The following PCDHAC1 variants were observed in gnomAD, a reference collection of about 807,000 sequenced individuals.
PCDHAC1 encodes protocadherin alpha subfamily C, 1, also known as protocadherin alpha-C1.
PCDHAC1 carries 42 observed loss-of-function variants against 60.0 expected under a neutral mutation model. The observed-to-expected ratio is 0.70, with a 90% CI of 0.55 to 0.90. The LOEUF (loss-of-function observed/expected upper bound fraction) is 0.90, where lower values mean the gene tolerates loss of function less well. Among genes scored for constraint, PCDHAC1 ranks in the 40% least tolerant of loss-of-function variants. The pLI, the probability that PCDHAC1 is intolerant of heterozygous loss-of-function variation, is 0.00. For missense variants in PCDHAC1, 1,160 were observed against 1,222.3 expected (o/e 0.95, Z 0.76); for synonymous variants, 468 against 499.3 (o/e 0.94, Z 0.84).
At chr5:140,932,039 CAT>C (rs2087970987) in intron 1 of PCDHAC1, among the ~76,000 whole-genome samples, 1 of 151,816 alleles carries the variant, frequency 6.6e-6, no homozygotes, top group South Asian at 2.1e-4. Context: ...TATATATTAA[CAT>C]AGCCTGTAAT....
chr5:140,999,528 T>A (rs1414595805), intron 3 of PCDHAC1, among the ~76,000 whole-genome samples: 1 of 152,080 alleles, frequency 6.6e-6, no homozygotes, highest in Non-Finnish European at 1.5e-5. Context: ...TGTTACCCCC[T>A]GGATATGACA....
At chr5:140,941,191 T>TTTCTTTCTTTC (rs1487503403) in intron 1 of PCDHAC1, among the ~76,000 whole-genome samples, 64 of 93,246 alleles carry the variant, frequency 6.9e-4, no homozygotes, top group South Asian at 4.2e-3. Context: ...GCTTCTTTTT[T>TTTCTTTCTTTC]TTTCTTTCTT....
intron 1 of PCDHAC1, among the ~76,000 whole-genome samples, chr5:140,949,636 T>C (rs1047386786): frequency 1.3e-5 from 2 of 151,898 alleles, no homozygotes; most frequent in Non-Finnish European, 3.0e-5. Context: ...GGCATATTGC[T>C]TTTTGTTCAT....
chr5:140,928,949 T>C lies in PCDHAC1; in HGVS notation c.2057T>C (p.Ile686Thr). The C allele has an allele frequency of 6.2e-7, 1 of 1,614,066 alleles. No individual in the cohort carries two copies. The highest frequency in any genetic ancestry group is 8.5e-7 in the Non-Finnish European group (1 of 1,179,980). ...TCTGCCCAGAACTTGTATTTAGTAA[T>C]TGCCTTGGCTTGTATTTCCTTTTTA... Reference protein sequence around the residue: ...QLSAQNLYLVIALACISFLFL... With the variant: ...QLSAQNLYLVTALACISFLFL... The change falls in exon 1 of 4, where the codon ATT becomes ACT. Residue 686 changes from isoleucine (I) to threonine (T), a missense_variant. This residue lies in a region of PCDHAC1 where 1,113 missense variants were observed against 1,163.7 expected (regional missense o/e 0.96). Coordinates refer to ENST00000253807, the MANE Select transcript of PCDHAC1 (RefSeq NM_018898.5).
chr5:140,980,021 A>C (rs1472439975), intron 2 of PCDHAC1, among the ~76,000 whole-genome samples: 2 of 152,248 alleles, frequency 1.3e-5, no homozygotes. Context: ...AAATGAGCAG[A>C]AATCATTACA....
At chr5:141,007,527 C>T (rs1184006315) in intron 3 of PCDHAC1, among the ~76,000 whole-genome samples, 1 of 152,070 alleles carries the variant, frequency 6.6e-6, no homozygotes, top group Non-Finnish European at 1.5e-5. Flanking sequence ...GATATCTCGC[C>T]ACTGCACTCC....
intron 3 of PCDHAC1, among the ~76,000 whole-genome samples, chr5:140,990,850 T>C (rs528860965): frequency 3.3e-5 from 5 of 152,312 alleles, no homozygotes; most frequent in African/African-American, 1.2e-4. Context: ...AATAGAGCCC[T>C]GAGGACATTG....
At chr5:140,987,318 A>C (rs148008812) in intron 3 of PCDHAC1, among the ~76,000 whole-genome samples, 3,398 of 152,304 alleles carry the variant, frequency 0.022, 70 homozygotes, top group Admixed American at 0.058. Flanking sequence ...TGTACTGTGA[A>C]GTTTTAAGAA....
At chr5:140,965,239 G>C (rs7722865) in intron 1 of PCDHAC1, among the ~76,000 whole-genome samples, 9,112 of 152,230 alleles carry the variant, frequency 0.06, 825 homozygotes, top group African/African-American at 0.2. Context: ...CCTGGGAAGA[G>C]TGAATATTCA....
rs781895762 is a variant in PCDHAC1, at chr5:140,928,747, C to G, written c.1855C>G (p.Arg619Gly). 6.2e-7 allele frequency: 1 copy of G among 1,614,132 alleles called. No homozygotes were observed. The highest frequency in any genetic ancestry group is 8.5e-7 in the Non-Finnish European group (1 of 1,180,034). Residue 619 changes from arginine (R) to glycine (G), a missense_variant, in exon 1 of 4, where the codon CGT becomes GGT. By Grantham distance (125) the Arg-to-Gly change is moderately radical (BLOSUM62 -2). Transcript: ENST00000253807. ...FRISANIGEL[R>G]TARLVLPTDA... ...AATTTCAGCCAATATAGGTGAGCTC[C>G]GTACTGCTCGCTTAGTTCTTCCCAC...
At position 140,928,790 on chromosome 5, in the gene PCDHAC1, GGGT is replaced by G; in HGVS notation, c.1905_1907del (p.Val638del). 1 of 1,614,176 alleles carries G rather than the reference GGGT, an allele frequency of 6.2e-7. No homozygotes were observed. On this transcript the variant is annotated inframe_deletion, in exon 1 of 4. Transcript: ENST00000253807. The stretch of plus-strand genomic sequence containing the variant: ...CTTCCCACTGATGCAGTTAAGCAGA[GGGT>G]GGTGGTAGTGGTTCGGGACCATGGA...
Position 141,000,361 on chromosome 5 carries a change from G to GTCTCTCTC in PCDHAC1, c.2582-9238_2582-9231dup, listed in dbSNP as rs148596731. 4.9e-4 allele frequency among the ~76,000 whole-genome samples: 13 copies of GTCTCTCTC among 26,444 alleles called. No individual in the cohort carries two copies. In the East Asian group the frequency reaches 6.3e-3, roughly 13 times the overall value. The allele number at this position is 26,444 out of a possible 152,430, so 17.3% of individuals were successfully genotyped here. A position where few individuals can be genotyped will look rare whatever the true frequency, so the allele number is the denominator to read the frequency against. ...CCTATCTCTCTCTCTGTCTCTCTCT[G>GTCTCTCTC]TCTCTCTCTCTCTCTCTCTCTCTCT... is the stretch of plus-strand genomic sequence containing the variant. On this transcript the variant is annotated intron_variant, in intron 3 of 3. Coordinates refer to ENST00000253807, the MANE Select transcript of PCDHAC1 (RefSeq NM_018898.5).
Position 140,927,999 on chromosome 5 carries a change from C to T in PCDHAC1, c.1107C>T (p.Leu369=). The T allele has an allele frequency of 6.2e-7, 1 of 1,614,174 alleles. No homozygotes were observed. The highest frequency in any genetic ancestry group is 8.5e-7 in the Non-Finnish European group (1 of 1,180,030). ...TCTTTAGTGTAAAGGATGAAGACCT[C>T]GATTCTAATGGTAGGGTCATTTGTG... is the stretch of plus-strand genomic sequence containing the variant. ...IALFSVKDED[L]DSNGRVICGM... The change falls in exon 1 of 4, where the codon CTC becomes CTT. Residue 369 remains leucine (L), a synonymous_variant. Transcript: ENST00000253807.
intron 1 of PCDHAC1, among the ~76,000 whole-genome samples, chr5:140,972,775 T>C (rs1277210789): frequency 6.6e-6 from 1 of 151,656 alleles, no homozygotes; most frequent in Non-Finnish European, 1.5e-5. Context: ...GTGATTCTTC[T>C]GCCTCAGCCT....
At chr5:141,009,529 T>G in intron 3 of PCDHAC1, 98 bp from the exon 4 acceptor site, 1 of 1,505,630 alleles carries the variant, frequency 6.6e-7, no homozygotes, top group Non-Finnish European at 8.9e-7. Context: ...TCTGGGGAGG[T>G]TCAGCCTGCC....
At chr5:141,004,705 C>T (rs535016776) in intron 3 of PCDHAC1, among the ~76,000 whole-genome samples, 5 of 152,154 alleles carry the variant, frequency 3.3e-5, no homozygotes, top group Admixed American at 6.5e-5. Context: ...TTTTAGGTGC[C>T]GAATCAGAGG....
chr5:140,952,221 C>T (rs991982346), intron 1 of PCDHAC1, among the ~76,000 whole-genome samples: 1 of 151,940 alleles, frequency 6.6e-6, no homozygotes, highest in Non-Finnish European at 1.5e-5. Flanking sequence ...TTTCCAGGCA[C>T]AGTGTGCAAG....
rs200797202 is a variant in PCDHAC1 at position 140,937,911 on chromosome 5, C to CA, written c.2433+8602dup. On this transcript the variant is annotated intron_variant, in intron 1 of 3. Coordinates refer to ENST00000253807, the MANE Select transcript of PCDHAC1 (RefSeq NM_018898.5). ...TGGGCGACAGAGTGAGACTCCGTCT[C>CA]AAAAAAAAAAAAAAAAGTTTAATTT... 3.1e-3 allele frequency among the ~76,000 whole-genome samples: 361 copies of CA among 117,828 alleles called. 2 individuals are homozygous for CA. In the East Asian group the frequency reaches 0.042, roughly 14 times the overall value. 77.3% of individuals were successfully genotyped at this position (117,828 alleles called of 152,430 possible).
chr5:140,929,226 C>G lies in PCDHAC1; in HGVS notation c.2334C>G (p.Ala778=), dbSNP rs782065898. ...TGTTGCGTGGGGAGTACAATGCTGC[C>G]GACCTGCGAAATCTTGCCACTGGGG... is the stretch of plus-strand genomic sequence containing the variant. ...SLLLRGEYNA[A]DLRNLATGVG... Residue 778 remains alanine (A), a synonymous_variant, in exon 1 of 4, where the codon GCC becomes GCG. Transcript: ENST00000253807. 5.0e-6 allele frequency: 8 copies of G among 1,613,768 alleles called. No homozygotes were observed. In the South Asian group the frequency reaches 8.8e-5, roughly 18 times the overall value.
Sources: allele counts gnomAD v4.1 joint callset (sites outside exome capture counted in the v4.1 genomes callset), GRCh38; gene constraint gnomAD v4.1.1; regional missense constraint gnomAD v4.1.1; transcripts MANE v1.5; gene names NCBI Gene and HGNC (gene_info 2026-07-23, HGNC 2026-07-21).